Variants in ARMC8 observed in about 807,000 individuals in gnomAD.
ARMC8 encodes the protein armadillo repeat-containing protein 8.
Under a neutral mutation model 99.3 loss-of-function variants are expected in ARMC8, and 20 were observed. That is an observed-to-expected ratio of 0.20 (90% CI 0.14 to 0.29). ARMC8 has a LOEUF of 0.29. Ranked by LOEUF, ARMC8 falls within the 10% of genes least tolerant of loss-of-function variation. The pLI is 1.00. For synonymous variants in ARMC8, 263 were observed against 278.3 expected (o/e 0.95, Z 0.55); for missense variants, 569 against 809.5 (o/e 0.70, Z 3.60).
Position 138,241,846 on chromosome 3 carries a change from G to A in ARMC8, c.901G>A (p.Ala301Thr), listed in dbSNP as rs1337888182. 3 of 1,613,926 alleles carry A rather than the reference G, an allele frequency of 1.9e-6. No homozygotes were observed. The African/African-American group carries it at 4.0e-5, about 22-fold the overall frequency. Residue 301 changes from alanine to threonine, a missense_variant, in exon 11 of 22, where the codon GCT becomes ACT. By Grantham distance (58) the Ala-to-Thr change is moderately conservative (BLOSUM62 0). This residue lies in a region of ARMC8 where 342 missense variants were observed against 391.6 expected (regional missense o/e 0.87). Transcript: ENST00000469044. ...ERLLEERVEG[A>T]ETLAYLIEPD... Reference sequence around the variant, plus strand: ...ATTACTAGAGGAGAGAGTTGAAGGAGCTGAGACACTTGCCTATCTGATTGA... The same window carrying A: ...ATTACTAGAGGAGAGAGTTGAAGGAACTGAGACACTTGCCTATCTGATTGA...
In ARMC8 at chr3:138,298,137, A is replaced by G. The variant is rs1222759682; in HGVS notation, c.*2245A>G. ...GTCAGCAAGGAAGTGGGAAGAGTGG[A>G]CATGGTATTGTGTCTACACCCAAGT... On this transcript the variant is annotated 3_prime_UTR_variant, in exon 22 of 22. Transcript: ENST00000469044. The G allele has an allele frequency of 6.6e-6, 1 of 152,252 alleles. No individual in the cohort carries two copies. Among genetic ancestry groups the G allele is most frequent in the African/African-American group, 2.4e-5 (1 of 41,462 alleles). 9.4% of individuals were successfully genotyped at this position (152,252 alleles called of 1,614,324 possible).
At chr3:138,214,622 A>G (rs2044901433) in intron 2 of ARMC8, among the ~76,000 whole-genome samples, 1 of 152,208 alleles carries the variant, frequency 6.6e-6, no homozygotes, top group Non-Finnish European at 1.5e-5. Context: ...CAAAAAAATC[A>G]TTTAAAAAAT....
At chr3:138,277,811 A>G (rs1330947354) in intron 18 of ARMC8, among the ~76,000 whole-genome samples, 4 of 152,218 alleles carry the variant, frequency 2.6e-5, no homozygotes, top group Non-Finnish European at 5.9e-5. Context: ...ATGAAAACCT[A>G]AGTTCACACA....
intron 18 of ARMC8, among the ~76,000 whole-genome samples, chr3:138,283,916 G>A (rs1182462883): frequency 2.0e-5 from 3 of 152,194 alleles, no homozygotes; most frequent in Non-Finnish European, 4.4e-5. Flanking sequence ...CATGGCTGGT[G>A]TAGCTGGTGG....
intron 12 of ARMC8, 83 bp downstream of exon 12, chr3:138,245,266 C>A: frequency 1.9e-6 from 3 of 1,613,838 alleles, no homozygotes; most frequent in Non-Finnish European, 2.5e-6. Context: ...TGGTGAAGAG[C>A]ACTAACAGTG....
At chr3:138,200,359 T>G (rs2043984201) in intron 1 of ARMC8, among the ~76,000 whole-genome samples, 1 of 147,956 alleles carries the variant, frequency 6.8e-6, no homozygotes, top group Non-Finnish European at 1.5e-5. Context: ...TGACTTTTGG[T>G]AAAGTTCCTA....
intron 12 of ARMC8, among the ~76,000 whole-genome samples, chr3:138,255,996 GAAAC>G (rs954737635): frequency 2.6e-5 from 4 of 152,130 alleles, no homozygotes; most frequent in Non-Finnish European, 4.4e-5. Context: ...GAAGAAGAAA[GAAAC>G]AAAACAAAAC....
In ARMC8 at chr3:138,298,236, T is replaced by A. The variant is rs1223668886; in HGVS notation, c.*2344T>A. 6.6e-6 allele frequency: 1 copy of A among 152,246 alleles called. No individual in the cohort carries two copies. The highest frequency in any genetic ancestry group is 1.5e-5 in the Non-Finnish European group (1 of 68,044). The allele number at this position is 152,246 out of a possible 1,614,324, so 9.4% of individuals were successfully genotyped here. On this transcript the variant is annotated 3_prime_UTR_variant, in exon 22 of 22. Coordinates refer to ENST00000469044, the MANE Select transcript of ARMC8 (RefSeq NM_001363941.2). ...TGCCCTGATTGTAATCCAAAATTTATGAACTAGAAAAGAATGTCCAATTTA... is the reference window on the plus strand; with the variant it reads ...TGCCCTGATTGTAATCCAAAATTTAAGAACTAGAAAAGAATGTCCAATTTA...
chr3:138,243,444 GAT>G (rs1444931151), intron 11 of ARMC8, among the ~76,000 whole-genome samples: 1 of 152,130 alleles, frequency 6.6e-6, no homozygotes, highest in Non-Finnish European at 1.5e-5. Context: ...TGATTTTCAT[GAT>G]ATGTTAGTTC....
chr3:138,252,698 C>A (rs906452346), intron 12 of ARMC8, among the ~76,000 whole-genome samples: 3 of 147,944 alleles, frequency 2.0e-5, no homozygotes, highest in African/African-American at 7.4e-5. Context: ...TTGTGATCCA[C>A]CCGCCTCGGC....
At chr3:138,209,703 T>C in intron 1 of ARMC8, 114 bp from the exon 2 acceptor site, 1 of 831,858 alleles carries the variant, frequency 1.2e-6, no homozygotes, top group Non-Finnish European at 2.0e-6. Context: ...TTCATATAAA[T>C]TTTAATGCAT....
rs564777428 is a variant in ARMC8, at chr3:138,278,343, TA to T, written c.1725+3804del. Among the ~76,000 whole-genome samples, 458 of 152,064 alleles carry T rather than the reference TA, an allele frequency of 3.0e-3. 3 individuals are homozygous for T. Among genetic ancestry groups the T allele is most frequent in the African/African-American group, 0.01 (433 of 41,498 alleles). On this transcript the variant is annotated intron_variant, in intron 18 of 21. Coordinates refer to ENST00000469044, the MANE Select transcript of ARMC8 (RefSeq NM_001363941.2). Reference sequence around the variant, plus strand: ...CAACATGGTGAAGCCCTGTCTTTACTAAAAATACAAAAATTAGCCAGGTATG... The same window carrying T: ...CAACATGGTGAAGCCCTGTCTTTACTAAAATACAAAAATTAGCCAGGTATG...
Position 138,244,823 on chromosome 3 carries a change from A to G in ARMC8, c.1039-265A>G, listed in dbSNP as rs1430886029. Among the ~76,000 whole-genome samples, 3 of 152,180 alleles carry G rather than the reference A, an allele frequency of 2.0e-5. No individual in the cohort carries two copies. The East Asian group carries it at 5.8e-4, about 29-fold the overall frequency. ...AATTTTTCGGAGTCAGAGATTCACA[A>G]TGGTTTTTCATATATCAGTGTCAAA... On this transcript the variant is annotated intron_variant, in intron 11 of 21. Transcript: ENST00000469044.
At chr3:138,250,651 T>C (rs2047080195) in intron 12 of ARMC8, among the ~76,000 whole-genome samples, 1 of 152,208 alleles carries the variant, frequency 6.6e-6, no homozygotes. Flanking sequence ...AAAATCTACC[T>C]AACTTTGATG....
intron 18 of ARMC8, among the ~76,000 whole-genome samples, chr3:138,278,770 A>G (rs1224704797): frequency 1.3e-5 from 2 of 151,890 alleles, no homozygotes; most frequent in South Asian, 4.2e-4. Context: ...TAGGTCTTGC[A>G]CTCTTGGTCA....
chr3:138,244,338 C>T lies in ARMC8; in HGVS notation c.1039-750C>T, dbSNP rs529444635. Among the ~76,000 whole-genome samples the T allele has an allele frequency of 8.7e-4, 132 of 152,126 alleles. 2 individuals are homozygous for T. Among genetic ancestry groups the T allele is most frequent in the Admixed American group, 5.4e-3 (82 of 15,284 alleles). On this transcript the variant is annotated intron_variant, in intron 11 of 21. Coordinates refer to ENST00000469044, the MANE Select transcript of ARMC8 (RefSeq NM_001363941.2). ...TGTTGCCCAGGCTAGAGTGCAGTGG[C>T]GCGATCTCGGCTCACTACAACCTCT...
Position 138,187,591 on chromosome 3 carries a change from G to A in ARMC8, c.37G>A (p.Val13Ile). 1 of 1,535,674 alleles carries A rather than the reference G, an allele frequency of 6.5e-7. No homozygotes were observed. The highest frequency in any genetic ancestry group is 8.7e-7 in the Non-Finnish European group (1 of 1,146,570). The change falls in exon 1 of 22, where the codon GTC (valine) becomes ATC (isoleucine). Residue 13 changes from valine (V) to isoleucine (I), a missense_variant. This residue lies in a region of ARMC8 where 342 missense variants were observed against 391.6 expected (regional missense o/e 0.87). Transcript: ENST00000469044. ...GTTGGAGACCCCAATCCGCATGAGC[G>A]TCCTTTCGGTGAGTGACCCGCCGCG... ...CLLETPIRMS[V>I]LSEVTASSRH...
chr3:138,188,152 T>G, intron 1 of ARMC8: 1 of 253,368 alleles, frequency 3.9e-6, no homozygotes, highest in Non-Finnish European at 7.7e-6. Context: ...GCAATGGTGA[T>G]TCGTATCAGC....
At chr3:138,221,214 G>A (rs1408116241) in intron 2 of ARMC8, among the ~76,000 whole-genome samples, 1 of 152,046 alleles carries the variant, frequency 6.6e-6, no homozygotes, top group Non-Finnish European at 1.5e-5. Context: ...AAGATTCTTT[G>A]TTATTTTTTA....
Sources: allele counts gnomAD v4.1 joint callset (sites outside exome capture counted in the v4.1 genomes callset), GRCh38; gene constraint gnomAD v4.1.1; regional missense constraint gnomAD v4.1.1; transcripts MANE v1.5; gene names NCBI Gene and HGNC (gene_info 2026-07-23, HGNC 2026-07-21).